Variants in OPCML observed in about 807,000 individuals in gnomAD.
The protein encoded by OPCML is opioid binding protein/cell adhesion molecule like.
Under a neutral mutation model 37.8 loss-of-function variants are expected in OPCML, and 13 were observed. The ratio of observed to expected loss-of-function variants is 0.34; its 90% CI spans 0.22 to 0.55. The LOEUF (loss-of-function observed/expected upper bound fraction) is 0.55, where lower values mean the gene tolerates loss of function less well. Ranked by LOEUF, OPCML falls within the 20% of genes least tolerant of loss-of-function variation. OPCML has a pLI of 0.91. For synonymous variants in OPCML, 176 were observed against 168.8 expected, an observed-to-expected ratio of 1.04 and a Z score of -0.33; for missense variants, 341 against 435.6, an observed-to-expected ratio of 0.78 and a Z score of 1.93.
intron 2 of OPCML, among the ~76,000 whole-genome samples, chr11:132,691,116 C>T (rs1194045054): frequency 6.6e-6 from 1 of 152,144 alleles, no homozygotes; most frequent in Non-Finnish European, 1.5e-5. Context: ...CTAACATAGA[C>T]CCCACTTAAA....
At chr11:132,680,183 G>T (rs1942879873) in intron 2 of OPCML, among the ~76,000 whole-genome samples, 1 of 152,092 alleles carries the variant, frequency 6.6e-6, no homozygotes. Context: ...CAATGCACCT[G>T]CCCCTCACCC....
At chr11:133,292,984 G>A (rs1191210390) in intron 1 of OPCML, among the ~76,000 whole-genome samples, 1 of 152,110 alleles carries the variant, frequency 6.6e-6, no homozygotes, top group Non-Finnish European at 1.5e-5. Flanking sequence ...CTGCAGAGGT[G>A]GTTGGTCCAC....
At chr11:133,341,776 G>A (rs768297774) in intron 1 of OPCML, among the ~76,000 whole-genome samples, 3 of 152,040 alleles carry the variant, frequency 2.0e-5, no homozygotes, top group Non-Finnish European at 2.9e-5. Flanking sequence ...AAAATTAGCC[G>A]GGCTTAGTGG....
chr11:132,706,136 G>A (rs1472942161), intron 2 of OPCML, among the ~76,000 whole-genome samples: 4 of 152,090 alleles, frequency 2.6e-5, no homozygotes, highest in South Asian at 2.1e-4. Context: ...ATGCAGGAAC[G>A]ACCTAATACA....
chr11:132,944,283 C>T (rs762791619), intron 1 of OPCML, among the ~76,000 whole-genome samples: 1 of 152,190 alleles, frequency 6.6e-6, no homozygotes, highest in Non-Finnish European at 1.5e-5. Context: ...CTTCCCTCGC[C>T]GATGCCAGCG....
chr11:133,024,294 GT>G (rs1379817505), intron 1 of OPCML: 100 of 939,694 alleles, frequency 1.1e-4, no homozygotes, highest in Non-Finnish European at 1.1e-4. Context: ...GTGTTGTGCA[GT>G]GTTGATGGAA....
chr11:132,746,650 A>G (rs1284445254), intron 2 of OPCML, among the ~76,000 whole-genome samples: 1 of 151,766 alleles, frequency 6.6e-6, no homozygotes, highest in Non-Finnish European at 1.5e-5. Flanking sequence ...TTTGTAACTC[A>G]CTCATCTCAG....
intron 1 of OPCML, among the ~76,000 whole-genome samples, chr11:133,203,434 C>T (rs911074862): frequency 6.6e-5 from 10 of 152,146 alleles, no homozygotes; most frequent in Non-Finnish European, 1.3e-4. Context: ...GGAGTATCTT[C>T]GCCTCTCAGG....
chr11:132,527,040 C>T (rs2096310331), intron 4 of OPCML, among the ~76,000 whole-genome samples: 1 of 152,052 alleles, frequency 6.6e-6, no homozygotes. Flanking sequence ...TGAGATTTAT[C>T]CATTTTGTTA....
At chr11:133,457,326 G>A (rs955813775) in intron 1 of OPCML, among the ~76,000 whole-genome samples, 2 of 152,150 alleles carry the variant, frequency 1.3e-5, no homozygotes, top group Admixed American at 6.5e-5. Context: ...AAGCCCAGGA[G>A]TTCAAGACTA....
intron 4 of OPCML, among the ~76,000 whole-genome samples, chr11:132,513,572 C>T (rs372963825): frequency 4.6e-5 from 7 of 152,210 alleles, no homozygotes; most frequent in Middle Eastern, 3.4e-3. Flanking sequence ...TGAATTTTAT[C>T]CTTCTAAGTA....
chr11:133,218,827 C>A (rs1183867995), intron 1 of OPCML, among the ~76,000 whole-genome samples: 2 of 152,150 alleles, frequency 1.3e-5, no homozygotes, highest in African/African-American at 4.8e-5. Context: ...ACTCATCTGA[C>A]TTCAGAAATT....
intron 4 of OPCML, among the ~76,000 whole-genome samples, chr11:132,518,064 A>G (rs1055744735): frequency 4.6e-5 from 7 of 152,188 alleles, no homozygotes; most frequent in African/African-American, 1.7e-4. Flanking sequence ...ACTTTTTTAA[A>G]AAATTATTTT....
At chr11:133,059,171 G>A (rs569820681) in intron 1 of OPCML, among the ~76,000 whole-genome samples, 4 of 152,156 alleles carry the variant, frequency 2.6e-5, no homozygotes, top group Admixed American at 6.5e-5. Flanking sequence ...CAGTACTAGG[G>A]ACCTATCTAG....
intron 1 of OPCML, among the ~76,000 whole-genome samples, chr11:133,166,493 G>A (rs575372430): frequency 6.6e-6 from 1 of 152,240 alleles, no homozygotes; most frequent in Non-Finnish European, 1.5e-5. Context: ...ACTTTTCTAT[G>A]TGTGGTGTAG....
chr11:132,509,855 G>C (rs957919072), intron 4 of OPCML, among the ~76,000 whole-genome samples: 1 of 152,220 alleles, frequency 6.6e-6, no homozygotes, highest in Non-Finnish European at 1.5e-5. Flanking sequence ...CTCCCACCTA[G>C]AGTCCCTACT....
intron 1 of OPCML, among the ~76,000 whole-genome samples, chr11:132,995,769 G>T (rs1215915938): frequency 2.6e-5 from 4 of 152,156 alleles, no homozygotes; most frequent in African/African-American, 9.7e-5. Flanking sequence ...CCTGGCTTTA[G>T]TGAATCTGGA....
chr11:133,388,290 T>A (rs1592256377), intron 1 of OPCML, among the ~76,000 whole-genome samples: 1 of 152,132 alleles, frequency 6.6e-6, no homozygotes, highest in Non-Finnish European at 1.5e-5. Flanking sequence ...AACTATTGGG[T>A]ACTTTGAATG....
intron 7 of OPCML, among the ~76,000 whole-genome samples, chr11:132,428,476 C>T (rs2095985047): frequency 6.6e-6 from 1 of 152,092 alleles, no homozygotes; most frequent in African/African-American, 2.4e-5. Context: ...CATGAGAGCC[C>T]AAAAGATGAG....
Sources: gnomAD v4.1 joint callset for allele counts (sites outside exome capture counted in the v4.1 genomes callset) on GRCh38, gnomAD v4.1.1 for gene constraint, MANE v1.5 for transcripts, NCBI Gene and HGNC (gene_info 2026-07-23, HGNC 2026-07-21) for gene names.